The following GPATCH2 variants were observed in gnomAD, a reference collection of about 807,000 sequenced individuals.
GPATCH2 encodes the protein G-patch domain containing 2.
A neutral mutation model predicts 58.0 loss-of-function variants in GPATCH2; 51 were observed. That is an observed-to-expected ratio of 0.88 (90% CI 0.70 to 1.11). The LOEUF is 1.11. Ranked by LOEUF, GPATCH2 falls within the 50% of genes most tolerant of loss-of-function variation. GPATCH2 has a pLI of 0.00. For missense variants in GPATCH2, 625 were observed against 652.2 expected (o/e 0.96, Z 0.45); for synonymous variants, 222 against 218.5 (o/e 1.02, Z -0.14).
At chr1:217,463,854 T>G (rs1289805865) in intron 8 of GPATCH2, among the ~76,000 whole-genome samples, 1 of 151,774 alleles carries the variant, frequency 6.6e-6, no homozygotes, top group Non-Finnish European at 1.5e-5. Context: ...TTGAAAGGAG[T>G]GAAAGACAGA....
intron 5 of GPATCH2, among the ~76,000 whole-genome samples, chr1:217,535,129 C>A (rs141205068): frequency 4.3e-3 from 648 of 152,332 alleles, no homozygotes; most frequent in Non-Finnish European, 7.2e-3. Flanking sequence ...CCCCAATCTG[C>A]TTTACCAACA....
chr1:217,589,910 A>C (rs1275491883), intron 5 of GPATCH2, among the ~76,000 whole-genome samples: 1 of 152,176 alleles, frequency 6.6e-6, no homozygotes, highest in Non-Finnish European at 1.5e-5. Flanking sequence ...GTGCTTCTAT[A>C]ACCAACTCTA....
chr1:217,451,511 G>T (rs1340972161), intron 8 of GPATCH2, among the ~76,000 whole-genome samples: 1 of 152,020 alleles, frequency 6.6e-6, no homozygotes, highest in Non-Finnish European at 1.5e-5. Context: ...CCTTTCAACT[G>T]GTTATAACAT....
chr1:217,610,589 G>C (rs1024144835), intron 4 of GPATCH2, among the ~76,000 whole-genome samples, 189 bp from the exon 5 acceptor site: 1 of 152,174 alleles, frequency 6.6e-6, no homozygotes, highest in Non-Finnish European at 1.5e-5. Context: ...TACTAAGGCA[G>C]TCAGCACTTA....
At chr1:217,454,599 A>AAC (rs1348283540) in intron 8 of GPATCH2, among the ~76,000 whole-genome samples, 1 of 150,250 alleles carries the variant, frequency 6.7e-6, no homozygotes, top group Non-Finnish European at 1.5e-5. Context: ...AAAAAAAAAA[A>AAC]AAAAAAAAAA....
intron 8 of GPATCH2, among the ~76,000 whole-genome samples, chr1:217,490,711 T>G (rs1445630348): frequency 2.6e-5 from 4 of 152,240 alleles, no homozygotes; most frequent in Non-Finnish European, 5.9e-5. Context: ...TCATTTTATT[T>G]CTATAAACAT....
chr1:217,437,222 G>C (rs1419655657), intron 9 of GPATCH2, among the ~76,000 whole-genome samples: 2 of 152,122 alleles, frequency 1.3e-5, no homozygotes, highest in Non-Finnish European at 2.9e-5. Context: ...CTGTTCCCAC[G>C]ATCTTCACAA....
intron 5 of GPATCH2, among the ~76,000 whole-genome samples, chr1:217,589,299 C>T (rs1281595602): frequency 1.3e-5 from 2 of 151,814 alleles, no homozygotes; most frequent in African/African-American, 4.8e-5. Context: ...CCTTACATTC[C>T]CCTCTAGAAG....
At position 217,620,181 on chromosome 1, in the gene GPATCH2, C is replaced by T; in HGVS notation, c.375G>A (p.Lys125=). Residue 125 remains lysine (K), a synonymous_variant, in exon 2 of 10, where the codon AAG becomes AAA. Coordinates refer to ENST00000366935, the MANE Select transcript of GPATCH2 (RefSeq NM_018040.5). ...SDSDDQMLVA[K]RRPSSNLNNN... Reference sequence around the variant, plus strand: ...TATTTAAGTTTGATGACGGCCTGCGCTTTGCTACTAACATTTGGTCATCAG... The same window carrying T: ...TATTTAAGTTTGATGACGGCCTGCGTTTTGCTACTAACATTTGGTCATCAG... 1 of 1,614,100 alleles carries T rather than the reference C, an allele frequency of 6.2e-7. No individual in the cohort carries two copies. The highest frequency in any genetic ancestry group is 2.2e-5 in the East Asian group (1 of 44,886).
At chr1:217,444,275 C>G (rs960492976) in intron 9 of GPATCH2, among the ~76,000 whole-genome samples, 1 of 152,158 alleles carries the variant, frequency 6.6e-6, no homozygotes, top group South Asian at 2.1e-4. Flanking sequence ...AGGAGACTTA[C>G]GCTGGGATCC....
chr1:217,523,981 G>T (rs1341950514), intron 5 of GPATCH2, among the ~76,000 whole-genome samples: 2 of 137,190 alleles, frequency 1.5e-5, no homozygotes, highest in African/African-American at 2.7e-5. Flanking sequence ...CGGACGGGGC[G>T]GCTGGCCGGG....
intron 8 of GPATCH2, among the ~76,000 whole-genome samples, chr1:217,483,494 C>T (rs1433300288): frequency 1.3e-5 from 2 of 151,594 alleles, no homozygotes; most frequent in Non-Finnish European, 2.9e-5. Context: ...CCCCCCATTG[C>T]TTTTTTTGGA....
chr1:217,599,688 T>C (rs1005742432), intron 5 of GPATCH2, among the ~76,000 whole-genome samples: 5 of 152,200 alleles, frequency 3.3e-5, no homozygotes, highest in South Asian at 2.1e-4. Context: ...CTTCATGACA[T>C]GTGCTTACAG....
At chr1:217,608,129 A>G in intron 5 of GPATCH2, 1 of 256,160 alleles carries the variant, frequency 3.9e-6, no homozygotes, top group Non-Finnish European at 6.1e-6. Flanking sequence ...CAACAACAAC[A>G]ACAATGAAAA....
intron 5 of GPATCH2, among the ~76,000 whole-genome samples, chr1:217,541,217 C>T (rs897527202): frequency 1.3e-5 from 2 of 152,154 alleles, no homozygotes; most frequent in African/African-American, 4.8e-5. Flanking sequence ...TAAAGAAAAG[C>T]AAAATCATTA....
intron 6 of GPATCH2, among the ~76,000 whole-genome samples, chr1:217,500,864 G>A (rs1662263106): frequency 6.6e-6 from 1 of 151,690 alleles, no homozygotes; most frequent in South Asian, 2.1e-4. Context: ...TGCCTGCTAA[G>A]TGATTTATCA....
At chr1:217,556,475 T>G (rs1164829247) in intron 5 of GPATCH2, among the ~76,000 whole-genome samples, 2 of 152,230 alleles carry the variant, frequency 1.3e-5, no homozygotes, top group African/African-American at 4.8e-5. Flanking sequence ...GTATGCATTA[T>G]TCTGCACTTG....
At chr1:217,542,325 G>A (rs566897051) in intron 5 of GPATCH2, among the ~76,000 whole-genome samples, 3 of 152,280 alleles carry the variant, frequency 2.0e-5, no homozygotes, top group African/African-American at 4.8e-5. Context: ...CACAGTCTCC[G>A]ATTCCCTGGC....
intron 5 of GPATCH2, 81 bp from the exon 6 acceptor site, chr1:217,514,970 G>C (rs1663050959): frequency 1.4e-6 from 1 of 713,290 alleles, no homozygotes; most frequent in East Asian, 2.7e-5. Flanking sequence ...ATATCAATTT[G>C]AAGACATCAC....
Sources: allele counts gnomAD v4.1 joint callset (sites outside exome capture counted in the v4.1 genomes callset), GRCh38; gene constraint gnomAD v4.1.1; transcripts MANE v1.5; gene names NCBI Gene and HGNC (gene_info 2026-07-23, HGNC 2026-07-21).